SAP30: variants seen among roughly 807,000 people sequenced by gnomAD.
SAP30 encodes histone deacetylase complex subunit SAP30.
In SAP30, 13 loss-of-function variants were observed where a neutral mutation model predicts 19.6. The ratio of observed to expected loss-of-function variants is 0.66; its 90% CI spans 0.43 to 1.05. The LOEUF (loss-of-function observed/expected upper bound fraction) is 1.05. SAP30 is among the 50% of genes least tolerant of loss of function. The pLI, the probability that SAP30 is intolerant of heterozygous loss-of-function variation, is 0.00. For missense variants in SAP30, 257 were observed against 292.1 expected (o/e 0.88, Z 0.88); for synonymous variants, 108 against 122.7 (o/e 0.88, Z 0.79).
chr4:173,371,329 G>T lies in SAP30; in HGVS notation c.147G>T (p.Ala49=). Residue 49 remains alanine (A), a synonymous_variant, in exon 1 of 4, where the codon GCG becomes GCT. Coordinates refer to ENST00000296504, the MANE Select transcript of SAP30 (RefSeq NM_003864.4). This position sits in a 1 kb window ranked among gnomAD's most constrained non-coding sequence, Gnocchi z 6.4. ...GTGAEVPGAG[A]VSAAGPPGAA... is the part of the protein sequence containing the mutation. The stretch of plus-strand genomic sequence containing the variant: ...GGGCTGAGGTGCCGGGCGCGGGGGC[G>T]GTCTCAGCGGCTGGGCCCCCGGGGG... The T allele has an allele frequency of 7.5e-7, 1 of 1,341,610 alleles. No homozygotes were observed. 83.1% of individuals were successfully genotyped at this position (1,341,610 alleles called of 1,614,324 possible).
rs1186271790 is a variant in SAP30 at position 173,377,269 on chromosome 4, A to G, written c.605A>G (p.Tyr202Cys). The change falls in exon 4 of 4, where the codon TAC becomes TGC. Residue 202 changes from tyrosine to cysteine, a missense_variant. Physicochemically the swap from Tyr to Cys is radical, Grantham distance 194. Transcript: ENST00000296504. Reference protein sequence around the residue: ...NEKDTLTYFIYSVKNDKNKSD... With the variant: ...NEKDTLTYFICSVKNDKNKSD... ...AAAGACACCTTAACATATTTCATCT[A>G]CTCAGTGAAGAATGACAAGAACAAA... The G allele has an allele frequency of 1.9e-6, 3 of 1,609,434 alleles. No homozygotes were observed. The highest frequency in any genetic ancestry group is 2.2e-5 in the South Asian group (2 of 90,484).
intron 3 of SAP30, among the ~76,000 whole-genome samples, chr4:173,376,685 C>T (rs1359256450): frequency 6.6e-6 from 1 of 152,230 alleles, no homozygotes; most frequent in East Asian, 1.9e-4. Context: ...GTGGCATGAT[C>T]TCAGCTCACT....
Position 173,377,375 on chromosome 4 carries a change from G to T in SAP30, c.*48G>T, listed in dbSNP as rs752603686. 2.0e-6 allele frequency: 3 copies of T among 1,534,474 alleles called. No homozygotes were observed. Among genetic ancestry groups the T allele is most frequent in the Non-Finnish European group, 2.6e-6 (3 of 1,142,434 alleles). On this transcript the variant is annotated 3_prime_UTR_variant, in exon 4 of 4. Transcript: ENST00000296504. ...AACTTGGATGTTAACACTGTTTACTGTTTTTTCACATGTAGAAATGTTCTT... is the reference window on the plus strand; with the variant it reads ...AACTTGGATGTTAACACTGTTTACTTTTTTTTCACATGTAGAAATGTTCTT...
At chr4:173,374,061 T>A (rs771127362) in intron 3 of SAP30, 24 bp downstream of exon 3, 6 of 1,286,640 alleles carry the variant, frequency 4.7e-6, no homozygotes, top group Non-Finnish European at 5.5e-6. Flanking sequence ...TTAAACTATT[T>A]GAACTATCTG....
At chr4:173,373,311 C>T in intron 1 of SAP30, 79 bp from the exon 2 acceptor site, 1 of 1,297,634 alleles carries the variant, frequency 7.7e-7, no homozygotes. Flanking sequence ...TAAGAACTCA[C>T]TGTGGCATAT....
rs1461918964 is a variant in SAP30, at chr4:173,371,510, C to A, written c.315+13C>A. On this transcript the variant is annotated intron_variant, in intron 1 of 3. Coordinates refer to ENST00000296504, the MANE Select transcript of SAP30 (RefSeq NM_003864.4). This position sits in a 1 kb window ranked among gnomAD's most constrained non-coding sequence, Gnocchi z 6.4. ...GCTGGATAAGAGCGTAAGTAAACCGCGGGACCGCCCTGCCCTCCCGCCCCT... is the reference window on the plus strand; with the variant it reads ...GCTGGATAAGAGCGTAAGTAAACCGAGGGACCGCCCTGCCCTCCCGCCCCT... The A allele has an allele frequency of 1.3e-6, 2 of 1,579,088 alleles. No individual in the cohort carries two copies. Among genetic ancestry groups the A allele is most frequent in the Admixed American group, 1.7e-5 (1 of 59,364 alleles).
chr4:173,371,305 G>A lies in SAP30; in HGVS notation c.123G>A (p.Gly41=), dbSNP rs1348494528. 1.5e-6 allele frequency: 2 copies of A among 1,296,634 alleles called. No individual in the cohort carries two copies. The highest frequency in any genetic ancestry group is 1.9e-6 in the Non-Finnish European group (2 of 1,029,558). The allele number at this position is 1,296,634 out of a possible 1,614,324, so 80.3% of individuals were successfully genotyped here. ...GGAACGGGACCGGCGCGGGCACCGGGGCTGAGGTGCCGGGCGCGGGGGCGG... is the reference window on the plus strand; with the variant it reads ...GGAACGGGACCGGCGCGGGCACCGGAGCTGAGGTGCCGGGCGCGGGGGCGG... ...SAGNGTGAGT[G]AEVPGAGAVS... Residue 41 remains glycine, a synonymous_variant, in exon 1 of 4, where the codon GGG becomes GGA. Transcript: ENST00000296504. The surrounding 1 kb of genome is among the most constrained non-coding windows in gnomAD (Gnocchi z 6.4).
rs1738940929 is a variant in SAP30 at position 173,371,763 on chromosome 4, T to A, written c.315+266T>A. The stretch of plus-strand genomic sequence containing the variant: ...CGCTGCCTGCGTCTCTCCCGCGCAG[T>A]CTTCCCTCTTCCTTCTCCTCTGCGA... On this transcript the variant is annotated intron_variant, in intron 1 of 3. Coordinates refer to ENST00000296504, the MANE Select transcript of SAP30 (RefSeq NM_003864.4). The surrounding 1 kb of genome is among the most constrained non-coding windows in gnomAD (Gnocchi z 6.4). Among the ~76,000 whole-genome samples, 1 of 152,120 alleles carries A rather than the reference T, an allele frequency of 6.6e-6. No homozygotes were observed. Among genetic ancestry groups the A allele is most frequent in the Non-Finnish European group, 1.5e-5 (1 of 68,016 alleles).
chr4:173,375,339 C>T (rs549254149), intron 3 of SAP30, among the ~76,000 whole-genome samples: 1 of 152,126 alleles, frequency 6.6e-6, no homozygotes, highest in African/African-American at 2.4e-5. Flanking sequence ...AATATATTAA[C>T]TATTTAGCTA....
At chr4:173,372,941 C>G (rs1279116843) in intron 1 of SAP30, among the ~76,000 whole-genome samples, 1 of 152,188 alleles carries the variant, frequency 6.6e-6, no homozygotes. Flanking sequence ...TGCCACCATG[C>G]CCGCCTAATT....
rs901061208 is a variant in SAP30 at position 173,371,552 on chromosome 4, G to C, written c.315+55G>C. The C allele has an allele frequency of 6.5e-7, 1 of 1,549,092 alleles. No individual in the cohort carries two copies. Among genetic ancestry groups the C allele is most frequent in the African/African-American group, 1.4e-5 (1 of 72,048 alleles). ...CCCGCCCCTCGGTGGGGCCCCAGGA[G>C]CCGGGCAAAGGCACGGGTTGTCGGC... On this transcript the variant is annotated intron_variant, in intron 1 of 3. Transcript: ENST00000296504. This position sits in a 1 kb window ranked among gnomAD's most constrained non-coding sequence, Gnocchi z 6.4.
At chr4:173,373,585 T>C (rs898285607) in intron 2 of SAP30, 70 bp downstream of exon 2, 2 of 1,390,780 alleles carry the variant, frequency 1.4e-6, no homozygotes, top group African/African-American at 1.5e-5. Context: ...TAAAAAGATA[T>C]GAACAATCTT....
At chr4:173,373,350 A>G in intron 1 of SAP30, 40 bp from the exon 2 acceptor site, 1 of 1,552,416 alleles carries the variant, frequency 6.4e-7, no homozygotes, top group South Asian at 1.2e-5. Context: ...GACACATTTT[A>G]CTGTAATCAT....
intron 1 of SAP30, among the ~76,000 whole-genome samples, chr4:173,372,683 G>C (rs1347873701): frequency 6.6e-6 from 1 of 152,192 alleles, no homozygotes; most frequent in Non-Finnish European, 1.5e-5. Context: ...CTTTTAAGTA[G>C]AGAAAGTACT....
rs765098987 is a variant in SAP30, at chr4:173,371,347, C to A, written c.165C>A (p.Pro55=). The A allele has an allele frequency of 6.8e-7, 1 of 1,464,370 alleles. No homozygotes were observed. Among genetic ancestry groups the A allele is most frequent in the Non-Finnish European group, 9.0e-7 (1 of 1,115,930 alleles). The allele number at this position is 1,464,370 out of a possible 1,614,324, so 90.7% of individuals were successfully genotyped here. Residue 55 remains proline, a synonymous_variant, in exon 1 of 4, where the codon CCC becomes CCA. Coordinates refer to ENST00000296504, the MANE Select transcript of SAP30 (RefSeq NM_003864.4). This position sits in a 1 kb window ranked among gnomAD's most constrained non-coding sequence, Gnocchi z 6.4. ...PGAGAVSAAG[P]PGAAGPGPGQ... is the part of the protein sequence containing the mutation. ...CGGGGGCGGTCTCAGCGGCTGGGCC[C>A]CCGGGGGCGGCCGGGCCGGGCCCCG...
chr4:173,377,056 C>T (rs932010898), intron 3 of SAP30, 149 bp from the exon 4 acceptor site: 1 of 518,350 alleles, frequency 1.9e-6, no homozygotes, highest in Admixed American at 4.1e-5. Flanking sequence ...TGCTTTCTGT[C>T]TTGTTGATAT....
At chr4:173,373,328 T>C (rs1476643964) in intron 1 of SAP30, 62 bp from the exon 2 acceptor site, 5 of 1,443,178 alleles carry the variant, frequency 3.5e-6, no homozygotes, top group East Asian at 4.9e-5. Context: ...ATATGTGTTT[T>C]ACTAATACAT....
At chr4:173,373,156 C>T (rs182209838) in intron 1 of SAP30, among the ~76,000 whole-genome samples, 1 of 152,194 alleles carries the variant, frequency 6.6e-6, no homozygotes, top group Non-Finnish European at 1.5e-5. Context: ...TCCCTTACCC[C>T]CTTCCCCAGA....
Position 173,371,313 on chromosome 4 carries a change from T to C in SAP30, c.131T>C (p.Val44Ala). ...ACCGGCGCGGGCACCGGGGCTGAGG[T>C]GCCGGGCGCGGGGGCGGTCTCAGCG... Reference protein sequence around the residue: ...NGTGAGTGAEVPGAGAVSAAG... With the variant: ...NGTGAGTGAEAPGAGAVSAAG... Residue 44 changes from valine (V) to alanine (A), a missense_variant, in exon 1 of 4, where the codon GTG becomes GCG. Val to Ala is a moderately conservative substitution (Grantham distance 64). Coordinates refer to ENST00000296504, the MANE Select transcript of SAP30 (RefSeq NM_003864.4). The surrounding 1 kb of genome is among the most constrained non-coding windows in gnomAD (Gnocchi z 6.4). The C allele has an allele frequency of 7.7e-7, 1 of 1,300,360 alleles. No individual in the cohort carries two copies. Among genetic ancestry groups the C allele is most frequent in the Non-Finnish European group, 9.7e-7 (1 of 1,031,704 alleles). The allele number at this position is 1,300,360 out of a possible 1,614,324, so 80.6% of individuals were successfully genotyped here.
Sources: gnomAD v4.1 joint callset for allele counts (sites outside exome capture counted in the v4.1 genomes callset) on GRCh38, gnomAD v4.1.1 for gene constraint, Gnocchi (gnomAD v3.1) non-coding constraint, MANE v1.5 for transcripts, NCBI Gene and HGNC (gene_info 2026-07-23, HGNC 2026-07-21) for gene names.